Variants in MRAP observed in about 807,000 individuals in gnomAD.
The protein encoded by MRAP is melanocortin-2 receptor accessory protein.
A neutral mutation model predicts 8.7 loss-of-function variants in MRAP; 8 were observed. That is an observed-to-expected ratio of 0.92 (90% CI 0.54 to 1.66). The LOEUF is 1.66. Ranked by LOEUF, MRAP falls within the 40% of genes most tolerant of loss-of-function variation. The pLI, the probability that MRAP is intolerant of heterozygous loss-of-function variation, is 0.00. For missense variants in MRAP, 237 were observed against 217.1 expected (o/e 1.09, Z -0.58); for synonymous variants, 95 against 95.5 (o/e 1.00, Z 0.03).
At chr21:32,306,513 T>C (rs1200917225) in intron 1 of MRAP, 127 bp from the exon 2 acceptor site, 4 of 744,664 alleles carry the variant, frequency 5.4e-6, no homozygotes, top group Non-Finnish European at 9.6e-6. Context: ...TGGTAACAGC[T>C]GAGAGGCTGG....
chr21:32,300,402 CG>C (rs1569025933), intron 1 of MRAP, among the ~76,000 whole-genome samples: 1 of 150,322 alleles, frequency 6.7e-6, no homozygotes, highest in Non-Finnish European at 1.5e-5. Context: ...CATCCTATGT[CG>C]GATGCATCAC....
chr21:32,292,924 T>C (rs902615160), intron 1 of MRAP: 1 of 152,164 alleles, frequency 6.6e-6, no homozygotes, highest in African/African-American at 2.4e-5. Flanking sequence ...CAGAGGCTGA[T>C]TAATGGCCCC....
Position 32,311,961 on chromosome 21 carries a change from C to A in MRAP, c.484C>A (p.Pro162Thr), listed in dbSNP as rs1376195731. Residue 162 changes from proline to threonine, a missense_variant, in exon 3 of 3, where the codon CCC becomes ACC. Transcript: ENST00000303645. ...PLVRSKPSEP[P>T]PGDRTSQLQS ...CGTCAGGAGCAAGCCCAGCGAGCCTCCCCCTGGAGACAGGACCTCTCAATT... is the reference window on the plus strand; with the variant it reads ...CGTCAGGAGCAAGCCCAGCGAGCCTACCCCTGGAGACAGGACCTCTCAATT... 1.9e-6 allele frequency: 3 copies of A among 1,613,490 alleles called. No individual in the cohort carries two copies. The highest frequency in any genetic ancestry group is 2.2e-5 in the East Asian group (1 of 44,880).
At chr21:32,303,426 G>T (rs1474258549) in intron 1 of MRAP, among the ~76,000 whole-genome samples, 1 of 152,244 alleles carries the variant, frequency 6.6e-6, no homozygotes. Flanking sequence ...TTAACTCCAA[G>T]TTAGGATAAG....
chr21:32,314,505 T>C, downstream of MRAP: 1 of 1,555,588 alleles, frequency 6.4e-7, no homozygotes, highest in Non-Finnish European at 8.9e-7. Context: ...TTTAAACATC[T>C]CTCTTCGTTT....
downstream of MRAP, chr21:32,314,274 T>C (rs1247296191): frequency 2.6e-6 from 1 of 380,952 alleles, no homozygotes; most frequent in East Asian, 6.3e-5. Context: ...AGCCTCCACC[T>C]CCCAGGTTCA....
At chr21:32,305,700 G>A (rs1601103960) in intron 1 of MRAP, among the ~76,000 whole-genome samples, 1 of 152,244 alleles carries the variant, frequency 6.6e-6, no homozygotes, top group Non-Finnish European at 1.5e-5. Context: ...ACACATAGGC[G>A]TCTAGAATAT....
intron 2 of MRAP, among the ~76,000 whole-genome samples, chr21:32,307,437 C>T (rs1463126795): frequency 3.9e-5 from 6 of 152,078 alleles, no homozygotes; most frequent in East Asian, 1.9e-4. Context: ...ATTAGCCGGG[C>T]GTGGTGGCAC....
intron 1 of MRAP, among the ~76,000 whole-genome samples, chr21:32,303,001 A>G (rs1601101068): frequency 3.1e-5 from 3 of 95,532 alleles, no homozygotes; most frequent in African/African-American, 9.1e-5. Flanking sequence ...TTTTTTTGAG[A>G]TGGAGTCTCA....
chr21:32,300,708 C>T (rs988452726), intron 1 of MRAP, among the ~76,000 whole-genome samples: 28 of 20,028 alleles, frequency 1.4e-3, no homozygotes, highest in Non-Finnish European at 3.2e-3. Context: ...GGGCGTCATG[C>T]GTCCTATGTC....
chr21:32,307,517 C>T (rs1465530001), intron 2 of MRAP, among the ~76,000 whole-genome samples: 1 of 147,634 alleles, frequency 6.8e-6, no homozygotes, highest in Non-Finnish European at 1.5e-5. Flanking sequence ...GCGGAGGTTG[C>T]AGTGAGCCGA....
intron 1 of MRAP, among the ~76,000 whole-genome samples, chr21:32,301,687 C>T (rs1489791239): frequency 1.3e-5 from 2 of 152,142 alleles, no homozygotes; most frequent in Non-Finnish European, 2.9e-5. Context: ...GGCTGATTTC[C>T]CTTGAGTAGT....
Position 32,293,597 on chromosome 21 carries a change from C to T in MRAP, c.-11+465C>T, listed in dbSNP as rs536931598. Reference sequence around the variant, plus strand: ...CTCGTCCAGGTCATCGTTCAATAAACGTTTGTGCCGTCTCCCTCTCTAGAT... The same window carrying T: ...CTCGTCCAGGTCATCGTTCAATAAATGTTTGTGCCGTCTCCCTCTCTAGAT... On this transcript the variant is annotated intron_variant, in intron 2 of 4. Coordinates refer to the MRAP transcript ENST00000399784. Among the ~76,000 whole-genome samples the T allele has an allele frequency of 4.6e-5, 7 of 152,256 alleles. No homozygotes were observed. The East Asian group carries it at 7.7e-4, about 17-fold the overall frequency.
Position 32,298,914 on chromosome 21 carries a change from G to C in MRAP, c.-58G>C, listed in dbSNP as rs531306724. On this transcript the variant is annotated 5_prime_UTR_variant, in exon 1 of 3. Coordinates refer to ENST00000303645, the MANE Select transcript of MRAP (RefSeq NM_001379228.1). ...TGAGGCAGTCTCCTCCCAGGGGCTT[G>C]GCGCCTGGCTCGAGGCGAGGCTGCC... 1 of 1,258,348 alleles carries C rather than the reference G, an allele frequency of 7.9e-7. No homozygotes were observed. The highest frequency in any genetic ancestry group is 1.5e-5 in the African/African-American group (1 of 68,262). The allele number at this position is 1,258,348 out of a possible 1,614,324, so 77.9% of individuals were successfully genotyped here.
chr21:32,311,439 AGG>A (rs1428509050), intron 2 of MRAP: 1 of 141,332 alleles, frequency 7.1e-6, no homozygotes, highest in East Asian at 2.1e-4. Flanking sequence ...AAATCAATGT[AGG>A]AAGAAGTGGC....
At chr21:32,300,093 A>G (rs1039527227) in intron 1 of MRAP, among the ~76,000 whole-genome samples, 5 of 152,192 alleles carry the variant, frequency 3.3e-5, no homozygotes, top group Non-Finnish European at 7.3e-5. Flanking sequence ...ATAATCACAT[A>G]CTGTCTGTCA....
At chr21:32,300,847 C>G (rs1455168352) in intron 1 of MRAP, among the ~76,000 whole-genome samples, 5 of 149,056 alleles carry the variant, frequency 3.4e-5, no homozygotes, top group South Asian at 2.1e-4. Context: ...TGTCATGCGC[C>G]CTATGTCAGG....
At position 32,311,738 on chromosome 21, in the gene MRAP, C is replaced by T. The variant is rs772920543; in HGVS notation, c.261C>T (p.His87=). 7 of 1,613,986 alleles carry T rather than the reference C, an allele frequency of 4.3e-6. No homozygotes were observed. The highest frequency in any genetic ancestry group is 2.2e-5 in the South Asian group (2 of 91,066). ...CCTGGAGTCACGGCCTCAACCTCCA[C>T]CTCTGCATCCAGAAGTGCCTGCCGT... ...TCPWSHGLNL[H]LCIQKCLPCH... is the part of the protein sequence containing the mutation. Residue 87 remains histidine (H), a synonymous_variant, in exon 3 of 3, where the codon CAC becomes CAT. Coordinates refer to ENST00000303645, the MANE Select transcript of MRAP (RefSeq NM_001379228.1).
At chr21:32,293,230 C>T (rs1424131084) in intron 2 of MRAP, 1 of 152,180 alleles carries the variant, frequency 6.6e-6, no homozygotes, top group Non-Finnish European at 1.5e-5. Context: ...GGCAAGGAAA[C>T]AGATTCTCTC....
Sources: gnomAD v4.1 joint callset for allele counts (sites outside exome capture counted in the v4.1 genomes callset) on GRCh38, gnomAD v4.1.1 for gene constraint, MANE v1.5 for transcripts, NCBI Gene and HGNC (gene_info 2026-07-23, HGNC 2026-07-21) for gene names.